DNAH6: variants seen among roughly 807,000 people sequenced by gnomAD.
DNAH6 encodes the protein dynein axonemal heavy chain 6, also known as axonemal beta dynein heavy chain 6.
Under a neutral mutation model 491.4 loss-of-function variants are expected in DNAH6, and 340 were observed. The ratio of observed to expected loss-of-function variants is 0.69; its 90% CI spans 0.63 to 0.76. The LOEUF is 0.76. Among genes scored for constraint, DNAH6 ranks in the 30% least tolerant of loss-of-function variants. The pLI, the probability that DNAH6 is intolerant of heterozygous loss-of-function variation, is 0.00. For synonymous variants in DNAH6, 1,603 were observed against 1,686.1 expected (o/e 0.95, Z 1.21); for missense variants, 4,443 against 4,972.2 (o/e 0.89, Z 3.20).
At chr2:84,523,538 G>T (rs1351741548) in intron 2 of DNAH6, among the ~76,000 whole-genome samples, 2 of 151,968 alleles carry the variant, frequency 1.3e-5, no homozygotes, top group African/African-American at 4.8e-5. Context: ...TCTTTAAGTT[G>T]TGATTGGAGG....
chr2:84,680,756 C>T (rs898345563), intron 41 of DNAH6, among the ~76,000 whole-genome samples: 4 of 151,744 alleles, frequency 2.6e-5, no homozygotes, highest in African/African-American at 9.7e-5. Flanking sequence ...GAGTAGGGGC[C>T]AGGATGGGGT....
intron 45 of DNAH6, among the ~76,000 whole-genome samples, chr2:84,691,015 C>G (rs1694804323): frequency 1.3e-5 from 2 of 152,190 alleles, no homozygotes; most frequent in African/African-American, 4.8e-5. Flanking sequence ...TTGTATGCCC[C>G]TAACGTTGTC....
At chr2:84,715,429 G>A in intron 57 of DNAH6, 131 bp from the exon 58 acceptor site, 1 of 722,254 alleles carries the variant, frequency 1.4e-6, no homozygotes, top group Non-Finnish European at 2.3e-6. Context: ...AAGTATGTGT[G>A]GGGGTAGGTG....
At chr2:84,496,963 T>C in the DNAH6 span, among the ~76,000 whole-genome samples, 1 of 126,002 alleles carries the variant, frequency 7.9e-6, no homozygotes, top group Non-Finnish European at 1.6e-5. Flanking sequence ...AATTAGACAA[T>C]ATGTACTCTT....
chr2:84,588,697 ACAT>A, intron 15 of DNAH6, 126 bp from the exon 16 acceptor site: 1 of 904,850 alleles, frequency 1.1e-6, no homozygotes, highest in Non-Finnish European at 1.6e-6. Context: ...ATAATTTTAA[ACAT>A]CATTTCTAAA....
intron 72 of DNAH6, among the ~76,000 whole-genome samples, chr2:84,808,829 GC>G (rs1350771819): frequency 6.6e-6 from 1 of 152,180 alleles, no homozygotes; most frequent in African/African-American, 2.4e-5. Context: ...AGAGACCTAA[GC>G]ACTCAATTAA....
intron 18 of DNAH6, among the ~76,000 whole-genome samples, chr2:84,596,153 C>G (rs1232974729): frequency 6.6e-6 from 1 of 152,148 alleles, no homozygotes; most frequent in East Asian, 1.9e-4. Flanking sequence ...CAGTGCACCA[C>G]ACAACTATGC....
intron 45 of DNAH6, 59 bp from the exon 46 acceptor site, chr2:84,694,190 C>T: frequency 6.8e-7 from 1 of 1,477,922 alleles, no homozygotes. Flanking sequence ...GGGGCAGGCT[C>T]TCTGAGCAGG....
chr2:84,705,427 T>G (rs945978147), intron 51 of DNAH6, 59 bp from the exon 52 acceptor site: 55 of 1,378,118 alleles, frequency 4.0e-5, no homozygotes, highest in Non-Finnish European at 5.2e-5. Context: ...AGAAATACAT[T>G]CTTTTGTTCT....
chr2:84,684,066 C>T (rs1222066515), intron 42 of DNAH6, among the ~76,000 whole-genome samples: 1 of 152,188 alleles, frequency 6.6e-6, no homozygotes, highest in Non-Finnish European at 1.5e-5. Flanking sequence ...TTTTCTTCCT[C>T]CTTCCAGAGC....
chr2:84,566,460 G>C (rs926823386), intron 11 of DNAH6, among the ~76,000 whole-genome samples: 2 of 151,820 alleles, frequency 1.3e-5, no homozygotes, highest in Non-Finnish European at 2.9e-5. Context: ...ACAAAAATAG[G>C]CTTGGAAAAA....
Position 84,577,185 on chromosome 2 carries a change from A to G in DNAH6, c.1925-72A>G, listed in dbSNP as rs545117898. On this transcript the variant is annotated intron_variant, in intron 12 of 76. Coordinates refer to ENST00000389394, the MANE Select transcript of DNAH6 (RefSeq NM_001370.2). Reference sequence around the variant, plus strand: ...TAAATTTATCAATGCAATGATTTTTAATATATTTTGTAATGATCTTTTAAA... The same window carrying G: ...TAAATTTATCAATGCAATGATTTTTGATATATTTTGTAATGATCTTTTAAA... The G allele has an allele frequency of 6.6e-6, 6 of 903,190 alleles. No homozygotes were observed. In the African/African-American group the frequency reaches 1.0e-4, roughly 16 times the overall value. 55.9% of individuals were successfully genotyped at this position (903,190 alleles called of 1,614,324 possible).
At position 84,815,916 on chromosome 2, in the gene DNAH6, G is replaced by A. The variant is rs371222574; in HGVS notation, c.12206G>A (p.Arg4069Gln). The change falls in exon 76 of 77, where the codon CGA becomes CAA. Residue 4069 changes from arginine to glutamine, a missense_variant. By Grantham distance (43) the Arg-to-Gln change is conservative. Transcript: ENST00000389394. ...CATGGGATGTTCATGGATGCTTCTC[G>A]ATGGGATGATAAGGAGATGGTGATA... ...LVHGMFMDAS[R>Q]WDDKEMVIED... 11 of 1,551,638 alleles carry A rather than the reference G, an allele frequency of 7.1e-6. No homozygotes were observed. The highest frequency in any genetic ancestry group is 2.7e-5 in the African/African-American group (2 of 72,972).
At chr2:84,548,178 CA>C in intron 7 of DNAH6, 109 bp from the exon 8 acceptor site, 1 of 1,238,550 alleles carries the variant, frequency 8.1e-7, no homozygotes, top group Non-Finnish European at 1.1e-6. Context: ...CTTCGTGTAC[CA>C]AAATATTTTG....
Position 84,621,354 on chromosome 2 carries a change from A to G in DNAH6, c.3956A>G (p.Gln1319Arg). ...TGGGTGGTTGCTGGCCACCCTTCTC[A>G]AGTAACTCACACTCACATTTCATAT... Reference protein sequence around the residue: ...TDWVVAGHPSQVILTVSQIMW... With the variant: ...TDWVVAGHPSRVILTVSQIMW... Residue 1319 changes from glutamine (Q) to arginine (R), a missense_variant and splice_region_variant, in exon 25 of 77, where the codon CAA (glutamine) becomes CGA (arginine). Around this residue, in one of 3 missense-constraint regions of DNAH6, gnomAD observed 2,977 missense variants for 3,296.6 expected, o/e 0.90. Transcript: ENST00000389394. 1 of 1,551,458 alleles carries G rather than the reference A, an allele frequency of 6.4e-7. No homozygotes were observed. The highest frequency in any genetic ancestry group is 8.7e-7 in the Non-Finnish European group (1 of 1,146,804).
At chr2:84,575,624 C>G (rs1190074978) in intron 12 of DNAH6, among the ~76,000 whole-genome samples, 1 of 152,220 alleles carries the variant, frequency 6.6e-6, no homozygotes, top group Non-Finnish European at 1.5e-5. Context: ...GTGGCTCACG[C>G]CTGTAATCCC....
intron 65 of DNAH6, among the ~76,000 whole-genome samples, chr2:84,784,225 C>T (rs1469324008): frequency 3.3e-5 from 5 of 152,276 alleles, no homozygotes; most frequent in African/African-American, 1.2e-4. Context: ...ACTTAACGTG[C>T]TAATGCCACA....
intron 37 of DNAH6, among the ~76,000 whole-genome samples, chr2:84,661,620 A>G (rs1387148470): frequency 1.3e-5 from 2 of 152,230 alleles, no homozygotes; most frequent in East Asian, 3.8e-4. Flanking sequence ...TGAAAATTAC[A>G]AAACATTGTT....
chr2:84,694,146 G>T (rs1410957739), intron 45 of DNAH6, 103 bp from the exon 46 acceptor site: 8 of 980,956 alleles, frequency 8.2e-6, no homozygotes, highest in Admixed American at 4.3e-5. Flanking sequence ...CCTGCCCAGG[G>T]AGGAGGCTCC....
Sources: allele counts gnomAD v4.1 joint callset (sites outside exome capture counted in the v4.1 genomes callset), GRCh38; gene constraint gnomAD v4.1.1; regional missense constraint gnomAD v4.1.1; transcripts MANE v1.5; gene names NCBI Gene and HGNC (gene_info 2026-07-23, HGNC 2026-07-21).